CELF2: variants seen among roughly 807,000 people sequenced by gnomAD.
CELF2 encodes CUG triplet repeat RNA-binding protein 2.
CELF2 carries 8 observed loss-of-function variants against 62.6 expected under a neutral mutation model. That is an observed-to-expected ratio of 0.13 (90% confidence interval 0.07 to 0.23). The LOEUF is 0.23. CELF2 is among the 10% of genes least tolerant of loss of function. The pLI is 1.00. For missense variants in CELF2, 333 were observed against 671.0 expected, an observed-to-expected ratio of 0.50 and a Z score of 5.56; for synonymous variants, 258 against 250.0, an observed-to-expected ratio of 1.03 and a Z score of -0.30.
chr10:10,879,241 T>C (rs2061297410), intron 1 of CELF2, among the ~76,000 whole-genome samples: 1 of 152,204 alleles, frequency 6.6e-6, no homozygotes, highest in Admixed American at 6.5e-5. Context: ...TCATTGCATC[T>C]GACAAAGGCA....
chr10:11,140,994 T>A (rs1596020707), intron 1 of CELF2, among the ~76,000 whole-genome samples: 1 of 152,244 alleles, frequency 6.6e-6, no homozygotes, highest in East Asian at 1.9e-4. Context: ...CCAGCCTGCG[T>A]GACAGAAGGA....
the CELF2 span, among the ~76,000 whole-genome samples, chr10:10,554,288 A>G: frequency 1.3e-5 from 2 of 152,166 alleles, no homozygotes; most frequent in Admixed American, 1.3e-4. Flanking sequence ...CATACTCCTC[A>G]CCCTTCACCT....
chr10:10,699,852 G>T, the CELF2 span, among the ~76,000 whole-genome samples: 1 of 152,174 alleles, frequency 6.6e-6, no homozygotes, highest in Non-Finnish European at 1.5e-5. Context: ...GTCTCTGGTG[G>T]CCTATTGTGA....
In CELF2 at chr10:11,316,913, A is replaced by C. The variant is rs1419135665; in HGVS notation, c.1096+2655A>C. ...AAACAGTACAGCGCCCTAAAAATGT[A>C]AGAATCATCCAGATCAGAAGAAGGA... On this transcript the variant is annotated intron_variant, in intron 10 of 12. Transcript: ENST00000633077. The surrounding 1 kb of genome is among the most constrained non-coding windows in gnomAD (Gnocchi z 4.4). 6.6e-6 allele frequency: 1 copy of C among 152,236 alleles called. No homozygotes were observed. Among genetic ancestry groups the C allele is most frequent in the Non-Finnish European group, 1.5e-5 (1 of 68,034 alleles). The allele number at this position is 152,236 out of a possible 1,614,324, so 9.4% of individuals were successfully genotyped here.
chr10:10,700,872 G>T, the CELF2 span, among the ~76,000 whole-genome samples: 1 of 152,094 alleles, frequency 6.6e-6, no homozygotes, highest in Non-Finnish European at 1.5e-5. Context: ...TGTCAGTTTG[G>T]TTGCTAGTTT....
At chr10:11,170,967 C>T (rs1447704155) in intron 2 of CELF2, among the ~76,000 whole-genome samples, 1 of 152,168 alleles carries the variant, frequency 6.6e-6, no homozygotes, top group Non-Finnish European at 1.5e-5. Context: ...ATTAAAATCA[C>T]TTGGCATTTG....
At chr10:10,872,743 C>G (rs2060833287) in intron 1 of CELF2, among the ~76,000 whole-genome samples, 2 of 152,004 alleles carry the variant, frequency 1.3e-5, no homozygotes, top group African/African-American at 4.8e-5. Flanking sequence ...TTTTTTTGCA[C>G]CCATGGGGTG....
At chr10:11,109,483 C>A (rs1054777177) in intron 1 of CELF2, among the ~76,000 whole-genome samples, 1 of 152,280 alleles carries the variant, frequency 6.6e-6, no homozygotes, top group African/African-American at 2.4e-5. Context: ...GCCTTTAAAT[C>A]ATGCCTGCCC....
At chr10:10,637,325 A>G in the CELF2 span, among the ~76,000 whole-genome samples, 1 of 152,170 alleles carries the variant, frequency 6.6e-6, no homozygotes, top group Non-Finnish European at 1.5e-5. Flanking sequence ...ATATTTATCT[A>G]GTAACAAGAT....
intron 9 of CELF2, among the ~76,000 whole-genome samples, chr10:11,301,252 G>A (rs1393760739): frequency 2.6e-5 from 4 of 151,966 alleles, no homozygotes; most frequent in African/African-American, 9.7e-5. Context: ...GAATACCCAA[G>A]TTCCTCCGCA....
intron 2 of CELF2, among the ~76,000 whole-genome samples, chr10:11,204,600 G>T (rs2135400619): frequency 6.6e-6 from 1 of 152,368 alleles, no homozygotes; most frequent in South Asian, 2.1e-4. Flanking sequence ...CCCGCAGAGA[G>T]CTGCATTCCT....
intron 3 of CELF2, among the ~76,000 whole-genome samples, chr10:11,225,683 G>A (rs901757399): frequency 1.3e-5 from 2 of 152,162 alleles, no homozygotes; most frequent in Non-Finnish European, 2.9e-5. Context: ...GGACTCGAAC[G>A]AGTCAGTTTA....
In CELF2 at chr10:11,332,365, C is replaced by A. The variant is rs2096043480; in HGVS notation, c.*3312C>A. The A allele has an allele frequency of 6.6e-6, 1 of 152,270 alleles. No individual in the cohort carries two copies. The highest frequency in any genetic ancestry group is 2.4e-5 in the African/African-American group (1 of 41,420). 9.4% of individuals were successfully genotyped at this position (152,270 alleles called of 1,614,324 possible). On this transcript the variant is annotated 3_prime_UTR_variant, in exon 13 of 13. Transcript: ENST00000633077. Reference sequence around the variant, plus strand: ...CATTATGCTGGGGCATCTCTGATCCCAGTAGGTACCTCTGAATATACCAGG... The same window carrying A: ...CATTATGCTGGGGCATCTCTGATCCAAGTAGGTACCTCTGAATATACCAGG...
chr10:11,248,402 G>T (rs2076234633), intron 3 of CELF2, among the ~76,000 whole-genome samples: 1 of 152,130 alleles, frequency 6.6e-6, no homozygotes, highest in African/African-American at 2.4e-5. Flanking sequence ...GACATGATCA[G>T]AAGGTGTCTC....
At chr10:10,783,261 T>A in the CELF2 span, among the ~76,000 whole-genome samples, 1 of 152,116 alleles carries the variant, frequency 6.6e-6, no homozygotes, top group Non-Finnish European at 1.5e-5. Context: ...TTGAGGTCAT[T>A]AGGGAGAGCC....
rs1047827803 is a variant in CELF2 at position 11,156,532 on chromosome 10, C to A, written c.75-8954C>A. On this transcript the variant is annotated intron_variant, in intron 1 of 12. Transcript: ENST00000633077. The surrounding 1 kb of genome is among the most constrained non-coding windows in gnomAD (Gnocchi z 4.3). ...CGGTCTTTTTAATCGATAAGGCTTA[C>A]TTATTTGCCTATTTCATGCCCACTC... Among the ~76,000 whole-genome samples the A allele has an allele frequency of 6.6e-6, 1 of 152,160 alleles. No homozygotes were observed. Among genetic ancestry groups the A allele is most frequent in the African/African-American group, 2.4e-5 (1 of 41,426 alleles).
the CELF2 span, among the ~76,000 whole-genome samples, chr10:10,698,956 C>G: frequency 6.6e-6 from 1 of 151,924 alleles, no homozygotes; most frequent in African/African-American, 2.4e-5. Context: ...TAAATGTGTA[C>G]ATATCATACA....
chr10:10,796,837 T>C, upstream of CELF2: 1 of 964,880 alleles, frequency 1.0e-6, no homozygotes, highest in African/African-American at 1.8e-5. Flanking sequence ...GGTCTGAGAT[T>C]CACAGTGGGA....
At chr10:10,696,979 G>C in the CELF2 span, among the ~76,000 whole-genome samples, 2 of 152,180 alleles carry the variant, frequency 1.3e-5, no homozygotes, top group Non-Finnish European at 2.9e-5. Context: ...GAGGGGAGCT[G>C]TTCCTATTCG....
Sources: allele counts gnomAD v4.1 joint callset (sites outside exome capture counted in the v4.1 genomes callset), GRCh38; gene constraint gnomAD v4.1.1; non-coding constraint Gnocchi (gnomAD v3.1); transcripts MANE v1.5; gene names NCBI Gene and HGNC (gene_info 2026-07-23, HGNC 2026-07-21).